The following ATG10 variants were observed in gnomAD, a reference collection of about 807,000 sequenced individuals.
ATG10 encodes ubiquitin-like-conjugating enzyme ATG10.
In ATG10, 30 loss-of-function variants were observed where a neutral mutation model predicts 32.1. The ratio of observed to expected loss-of-function variants is 0.94; its 90% confidence interval spans 0.70 to 1.27. The LOEUF is 1.27. Ranked by LOEUF, ATG10 falls within the 50% of genes most tolerant of loss-of-function variation. The pLI is 0.00. For synonymous variants in ATG10, 87 were observed against 91.5 expected (o/e 0.95, Z 0.28); for missense variants, 233 against 262.3 (o/e 0.89, Z 0.77).
At chr5:82,246,551 AT>A (rs1166094580) in intron 5 of ATG10, among the ~76,000 whole-genome samples, 1 of 150,914 alleles carries the variant, frequency 6.6e-6, no homozygotes, top group Non-Finnish European at 1.5e-5. Context: ...AAGAAAAAAA[AT>A]TATTTAAAAA....
At chr5:82,247,659 A>G (rs1024851258) in intron 5 of ATG10, among the ~76,000 whole-genome samples, 1 of 152,058 alleles carries the variant, frequency 6.6e-6, no homozygotes, top group Non-Finnish European at 1.5e-5. Context: ...TTAATAATGA[A>G]TTTTCCCCCT....
intron 3 of ATG10, among the ~76,000 whole-genome samples, chr5:82,115,086 G>C (rs1398762323): frequency 6.6e-6 from 1 of 152,016 alleles, no homozygotes; most frequent in Non-Finnish European, 1.5e-5. Context: ...GTATTGAATG[G>C]AGTAAACCAC....
intron 5 of ATG10, among the ~76,000 whole-genome samples, chr5:82,183,570 C>CT (rs1744331779): frequency 6.6e-6 from 1 of 152,018 alleles, no homozygotes; most frequent in Non-Finnish European, 1.5e-5. Context: ...GGTTATCCCT[C>CT]TTTTTTGTGA....
chr5:81,995,467 C>A (rs928845383), intron 2 of ATG10, among the ~76,000 whole-genome samples: 16 of 152,116 alleles, frequency 1.1e-4, no homozygotes, highest in Non-Finnish European at 2.1e-4. Flanking sequence ...TCTTTACCTA[C>A]ACAACTGAAA....
intron 5 of ATG10, among the ~76,000 whole-genome samples, chr5:82,247,657 G>A (rs1485108460): frequency 6.6e-6 from 1 of 152,100 alleles, no homozygotes; most frequent in Non-Finnish European, 1.5e-5. Flanking sequence ...TTTTAATAAT[G>A]AATTTTCCCC....
chr5:81,987,881 T>C (rs1761336810), intron 2 of ATG10, among the ~76,000 whole-genome samples: 1 of 130,700 alleles, frequency 7.7e-6, no homozygotes, highest in African/African-American at 2.5e-5. Flanking sequence ...ATTATCAGGC[T>C]AATGAAGTAT....
At chr5:82,076,003 A>G (rs886662791) in intron 3 of ATG10, among the ~76,000 whole-genome samples, 115 of 152,322 alleles carry the variant, frequency 7.5e-4, no homozygotes, top group African/African-American at 2.6e-3. Context: ...TTGTCTATTC[A>G]TATATGCTAG....
At chr5:82,242,688 T>C (rs891129469) in intron 5 of ATG10, 1 of 335,916 alleles carries the variant, frequency 3.0e-6, no homozygotes, top group Non-Finnish European at 5.8e-6. Flanking sequence ...ATAATCCAAG[T>C]GCTAAAAAAA....
chr5:82,091,319 C>T (rs1473438786), intron 3 of ATG10, among the ~76,000 whole-genome samples: 3 of 152,124 alleles, frequency 2.0e-5, no homozygotes, highest in Non-Finnish European at 4.4e-5. Context: ...ATCCTCCTGC[C>T]TCAGCCTCCT....
At chr5:82,026,394 G>A (rs1010678750) in intron 2 of ATG10, among the ~76,000 whole-genome samples, 6 of 151,764 alleles carry the variant, frequency 4.0e-5, no homozygotes, top group Admixed American at 6.6e-5. Flanking sequence ...TGGATATTGG[G>A]GTTGCTTTCA....
chr5:82,127,067 A>C (rs1178199393), intron 3 of ATG10, among the ~76,000 whole-genome samples: 1 of 152,136 alleles, frequency 6.6e-6, no homozygotes, highest in Admixed American at 6.6e-5. Flanking sequence ...GTTTATTTGC[A>C]TAGAGGTGTT....
chr5:82,009,544 C>A, intron 2 of ATG10: 1 of 1,470,878 alleles, frequency 6.8e-7, no homozygotes, highest in Admixed American at 1.7e-5. Context: ...GGGGTGCTCT[C>A]CTGAGCTACA....
chr5:82,061,036 A>G (rs113157407), intron 3 of ATG10, among the ~76,000 whole-genome samples: 4 of 152,312 alleles, frequency 2.6e-5, no homozygotes, highest in African/African-American at 9.6e-5. Context: ...CTCCCTTGAA[A>G]TCCCTAAGGT....
At chr5:81,986,909 G>A (rs916497396) in intron 1 of ATG10, among the ~76,000 whole-genome samples, 4 of 151,996 alleles carry the variant, frequency 2.6e-5, no homozygotes, top group African/African-American at 9.7e-5. Context: ...CCAGCGTGGT[G>A]GCTTGCAACT....
At chr5:82,103,845 ACT>A (rs1765360683) in intron 3 of ATG10, among the ~76,000 whole-genome samples, 1 of 151,818 alleles carries the variant, frequency 6.6e-6, no homozygotes. Flanking sequence ...AGCACTCAGG[ACT>A]CTCTCTTGAC....
In ATG10 at chr5:82,255,165, C is replaced by G. The variant is rs1747420409; in HGVS notation, c.*1102C>G. On this transcript the variant is annotated 3_prime_UTR_variant, in exon 8 of 8. Coordinates refer to ENST00000282185, the MANE Select transcript of ATG10 (RefSeq NM_031482.5). Reference sequence around the variant, plus strand: ...ACTCTTTGAGGGCTCTTGAGCGAGTCTTCATGTCCCTGAGACTTATTTTCC... The same window carrying G: ...ACTCTTTGAGGGCTCTTGAGCGAGTGTTCATGTCCCTGAGACTTATTTTCC... 1 of 152,172 alleles carries G rather than the reference C, an allele frequency of 6.6e-6. No homozygotes were observed. The highest frequency in any genetic ancestry group is 2.1e-4 in the South Asian group (1 of 4,822). The allele number at this position is 152,172 out of a possible 1,614,324, so 9.4% of individuals were successfully genotyped here.
At position 82,012,332 on chromosome 5, in the gene ATG10, C is replaced by T. The variant is rs541078198; in HGVS notation, c.108+24654C>T. On this transcript the variant is annotated intron_variant, in intron 2 of 7. Coordinates refer to ENST00000282185, the MANE Select transcript of ATG10 (RefSeq NM_031482.5). ...TTTTTGAAGGGGATTTGTAGTCCTG[C>T]CTCCCGAGGCCACATGGTTTTAATT... 3.3e-5 allele frequency among the ~76,000 whole-genome samples: 5 copies of T among 152,332 alleles called. No individual in the cohort carries two copies. In the South Asian group the frequency reaches 8.3e-4, roughly 25 times the overall value.
At chr5:82,011,066 T>C (rs1280342930) in intron 2 of ATG10, among the ~76,000 whole-genome samples, 1 of 152,228 alleles carries the variant, frequency 6.6e-6, no homozygotes, top group Non-Finnish European at 1.5e-5. Context: ...TATCGTTTTC[T>C]AAGTAATAAA....
intron 3 of ATG10, among the ~76,000 whole-genome samples, chr5:82,108,898 G>A (rs1408212196): frequency 1.3e-5 from 2 of 152,072 alleles, no homozygotes; most frequent in East Asian, 3.9e-4. Context: ...AGGCATAGGG[G>A]GGAAGATAAT....
Sources: allele counts gnomAD v4.1 joint callset (sites outside exome capture counted in the v4.1 genomes callset), GRCh38; gene constraint gnomAD v4.1.1; transcripts MANE v1.5; gene names NCBI Gene and HGNC (gene_info 2026-07-23, HGNC 2026-07-21).